The following TMEM181 variants were observed in gnomAD, a reference collection of about 807,000 sequenced individuals.
TMEM181 encodes transmembrane protein 181.
In TMEM181, 39 loss-of-function variants were observed where a neutral mutation model predicts 71.9. The ratio of observed to expected loss-of-function variants is 0.54; its 90% CI spans 0.42 to 0.71. TMEM181 has a LOEUF of 0.71. Ranked by LOEUF, TMEM181 falls within the 30% of genes least tolerant of loss-of-function variation. The pLI is 0.00. For missense variants in TMEM181, 595 were observed against 583.0 expected (o/e 1.02, Z -0.21); for synonymous variants, 245 against 228.8 (o/e 1.07, Z -0.64).
At chr6:158,630,464 C>T (rs538834509) in intron 15 of TMEM181, among the ~76,000 whole-genome samples, 1 of 152,130 alleles carries the variant, frequency 6.6e-6, no homozygotes, top group Admixed American at 6.5e-5. Flanking sequence ...TACACTCCAA[C>T]CTCGGTGACA....
chr6:158,545,602 G>C (rs1781502499), intron 1 of TMEM181, among the ~76,000 whole-genome samples: 1 of 151,918 alleles, frequency 6.6e-6, no homozygotes, highest in African/African-American at 2.4e-5. Context: ...TGAAGGAACC[G>C]GACAGAACTT....
At chr6:158,568,721 C>T (rs1782649031) in intron 1 of TMEM181, among the ~76,000 whole-genome samples, 1 of 152,142 alleles carries the variant, frequency 6.6e-6, no homozygotes, top group Non-Finnish European at 1.5e-5. Context: ...GCAGAGCTGC[C>T]AGTGGGTTTC....
At chr6:158,574,347 A>G (rs1158709602) in intron 2 of TMEM181, among the ~76,000 whole-genome samples, 1 of 152,202 alleles carries the variant, frequency 6.6e-6, no homozygotes, top group African/African-American at 2.4e-5. Flanking sequence ...TGATGGTGAT[A>G]ATAGCAGCTG....
intron 7 of TMEM181, among the ~76,000 whole-genome samples, chr6:158,606,966 G>T (rs1339749803): frequency 6.6e-6 from 1 of 152,218 alleles, no homozygotes; most frequent in Admixed American, 6.5e-5. Flanking sequence ...TCCTTTTGCA[G>T]GGATTACGTT....
At chr6:158,587,006 C>T (rs575619220) in intron 5 of TMEM181, among the ~76,000 whole-genome samples, 92 of 152,294 alleles carry the variant, frequency 6.0e-4, no homozygotes, top group African/African-American at 2.1e-3. Flanking sequence ...TGCTCTCTTC[C>T]TATCCGAGCG....
chr6:158,592,551 TAA>T (rs1784165606), intron 6 of TMEM181, among the ~76,000 whole-genome samples: 1 of 151,836 alleles, frequency 6.6e-6, no homozygotes, highest in African/African-American at 2.4e-5. Context: ...CGGCTTACTG[TAA>T]CATCTGCCTC....
chr6:158,580,333 A>AG lies in TMEM181; in HGVS notation c.113-606dup, dbSNP rs560132306. On this transcript the variant is annotated intron_variant, in intron 2 of 16. Coordinates refer to ENST00000684151, the MANE Select transcript of TMEM181 (RefSeq NM_001376852.1). ...CAACAAGAACAAAAAGAAAAAAAAT[A>AG]GTTAAGATGTCAAGTTCTTGGATCT... Among the ~76,000 whole-genome samples, 86 of 152,176 alleles carry AG rather than the reference A, an allele frequency of 5.7e-4. 1 individual carries two copies. Among genetic ancestry groups the AG allele is most frequent in the Non-Finnish European group, 1.0e-3 (71 of 68,032 alleles).
chr6:158,553,279 T>G (rs1369108025), intron 1 of TMEM181, among the ~76,000 whole-genome samples: 1 of 152,212 alleles, frequency 6.6e-6, no homozygotes, highest in African/African-American at 2.4e-5. Flanking sequence ...GATTTTAAAT[T>G]ACATAAAAAG....
At chr6:158,573,183 T>C (rs1782971299) in intron 1 of TMEM181, among the ~76,000 whole-genome samples, 1 of 152,062 alleles carries the variant, frequency 6.6e-6, no homozygotes. Context: ...CCGCGGTGGC[T>C]GGTGTGTCCA....
chr6:158,631,230 T>C (rs1786646242), intron 15 of TMEM181, 93 bp from the exon 16 acceptor site: 2 of 1,342,900 alleles, frequency 1.5e-6, no homozygotes, highest in Admixed American at 3.4e-5. Flanking sequence ...TCCAGTTCTT[T>C]CCAACTCCCT....
At chr6:158,588,279 T>C (rs143855215) in intron 5 of TMEM181, among the ~76,000 whole-genome samples, 1 of 152,240 alleles carries the variant, frequency 6.6e-6, no homozygotes, top group Non-Finnish European at 1.5e-5. Context: ...GGGCTGCTAG[T>C]GGGCTGAAGT....
chr6:158,627,462 G>A (rs1417094851), intron 13 of TMEM181, among the ~76,000 whole-genome samples: 1 of 152,238 alleles, frequency 6.6e-6, no homozygotes, highest in African/African-American at 2.4e-5. Context: ...TGCTGCAGAC[G>A]AAACAAGGAG....
Position 158,583,177 on chromosome 6 carries a change from G to T in TMEM181, c.169-777G>T, listed in dbSNP as rs530845934. Among the ~76,000 whole-genome samples the T allele has an allele frequency of 1.4e-4, 21 of 152,114 alleles. No homozygotes were observed. In the East Asian group the frequency reaches 2.7e-3, roughly 20 times the overall value. On this transcript the variant is annotated intron_variant, in intron 3 of 16. Transcript: ENST00000684151. ...GAACCTGGGAGGCAGAGGTTGCAGT[G>T]AGCCGAGATCACGCCCCTGCTCTCC...
At chr6:158,621,311 T>C (rs6914014) in intron 10 of TMEM181, 3,564 of 153,674 alleles carry the variant, frequency 0.023, 160 homozygotes, top group African/African-American at 0.081. Flanking sequence ...GTGATTTCCT[T>C]GAAATGCAGG....
intron 1 of TMEM181, among the ~76,000 whole-genome samples, chr6:158,544,917 C>T (rs1043314709): frequency 2.0e-5 from 3 of 152,198 alleles, no homozygotes; most frequent in Non-Finnish European, 4.4e-5. Flanking sequence ...GTCTTCTGAA[C>T]AAGCAATGAA....
chr6:158,603,588 G>GTTTTTTTTTTTT (rs35319740), intron 6 of TMEM181, among the ~76,000 whole-genome samples: 2 of 136,056 alleles, frequency 1.5e-5, no homozygotes, highest in African/African-American at 2.7e-5. Flanking sequence ...TTTTTTTCAG[G>GTTTTTTTTTTTT]TTTTTTTTTT....
At chr6:158,584,257 T>C (rs1272093050) in intron 4 of TMEM181, among the ~76,000 whole-genome samples, 5 of 152,232 alleles carry the variant, frequency 3.3e-5, no homozygotes, top group Non-Finnish European at 7.3e-5. Flanking sequence ...CGTGGAGTCC[T>C]GGTTAGCTCC....
In TMEM181 at chr6:158,585,311, T is replaced by G; in HGVS notation, c.267T>G (p.Ser89=). The change falls in exon 5 of 17, where the codon TCT becomes TCG. Residue 89 remains serine (S), a synonymous_variant. Coordinates refer to ENST00000684151, the MANE Select transcript of TMEM181 (RefSeq NM_001376852.1). The part of the protein sequence containing the change: ...VVELDQSKET[S]IKTSFPMTVK... Reference sequence around the variant, plus strand: ...AATTTTTTTCTTTTGTAGAAACTTCTATTAAGACAAGCTTTCCCATGACTG... The same window carrying G: ...AATTTTTTTCTTTTGTAGAAACTTCGATTAAGACAAGCTTTCCCATGACTG... The G allele has an allele frequency of 6.2e-7, 1 of 1,602,328 alleles. No individual in the cohort carries two copies. The highest frequency in any genetic ancestry group is 1.3e-5 in the African/African-American group (1 of 74,414).
rs750449294 is a variant in TMEM181 at position 158,585,310 on chromosome 6, C to A, written c.266C>A (p.Ser89Tyr). The A allele has an allele frequency of 8.1e-6, 13 of 1,601,134 alleles. No individual in the cohort carries two copies. The African/African-American group carries it at 1.5e-4, about 18-fold the overall frequency. The change falls in exon 5 of 17, where the codon TCT becomes TAT. Residue 89 changes from serine (S) to tyrosine (Y), a missense_variant. Transcript: ENST00000684151. ...VVELDQSKET[S>Y]IKTSFPMTVK... Reference sequence around the variant, plus strand: ...GAATTTTTTTCTTTTGTAGAAACTTCTATTAAGACAAGCTTTCCCATGACT... The same window carrying A: ...GAATTTTTTTCTTTTGTAGAAACTTATATTAAGACAAGCTTTCCCATGACT...
Sources: allele counts gnomAD v4.1 joint callset (sites outside exome capture counted in the v4.1 genomes callset), GRCh38; gene constraint gnomAD v4.1.1; transcripts MANE v1.5; gene names NCBI Gene and HGNC (gene_info 2026-07-23, HGNC 2026-07-21).